The following ITPR1 variants were observed in gnomAD, a reference collection of about 807,000 sequenced individuals.
The protein encoded by ITPR1 is inositol 1,4,5-trisphosphate-gated calcium channel ITPR1.
ITPR1 carries 96 observed loss-of-function variants against 318.4 expected under a neutral mutation model. The observed-to-expected ratio is 0.30, with a 90% CI of 0.26 to 0.36. ITPR1 has a LOEUF of 0.36. ITPR1 is among the 10% of genes least tolerant of loss of function. The pLI, the probability that ITPR1 is intolerant of heterozygous loss-of-function variation, is 1.00. For synonymous variants in ITPR1, 1,312 were observed against 1,289.9 expected (o/e 1.02, Z -0.37); for missense variants, 2,440 against 3,460.2 (o/e 0.71, Z 7.40).
rs756534671 is a variant in ITPR1 at position 4,795,097 on chromosome 3, A to G, written c.6841A>G (p.Met2281Val). Residue 2281 changes from methionine (M) to valine (V), a missense_variant, in exon 53 of 62, where the codon ATG becomes GTG. This residue lies in a region of ITPR1 where 115 missense variants were observed against 204.5 expected (regional missense o/e 0.56). Coordinates refer to ENST00000649015, the MANE Select transcript of ITPR1 (RefSeq NM_001378452.1). ...QPVLYWCARN[M>V]SFWSSISFNL... ...CGTGTTGTACTGGTGTGCCCGCAAC[A>G]TGTCTTTCTGGAGCAGCATTTCGTT... The G allele has an allele frequency of 7.4e-6, 12 of 1,613,652 alleles. No individual in the cohort carries two copies. Among genetic ancestry groups the G allele is most frequent in the African/African-American group, 2.7e-5 (2 of 74,890 alleles).
intron 35 of ITPR1, among the ~76,000 whole-genome samples, chr3:4,700,487 C>G (rs1424049421): frequency 6.6e-6 from 1 of 152,086 alleles, no homozygotes; most frequent in Non-Finnish European, 1.5e-5. Flanking sequence ...TGGTTGAAGC[C>G]TTAGCCAGGA....
chr3:4,572,478 G>T (rs1011008077), intron 4 of ITPR1, among the ~76,000 whole-genome samples: 38 of 152,124 alleles, frequency 2.5e-4, no homozygotes, highest in African/African-American at 9.2e-4. Flanking sequence ...ATGTGACACT[G>T]ATTAAGTAAA....
intron 4 of ITPR1, among the ~76,000 whole-genome samples, chr3:4,561,238 G>A (rs140601601): frequency 3.0e-4 from 46 of 152,294 alleles, no homozygotes; most frequent in East Asian, 1.7e-3. Flanking sequence ...TGATAATGAC[G>A]AGAGTGAAAT....
intron 2 of ITPR1, among the ~76,000 whole-genome samples, chr3:4,508,373 G>A (rs1269987975): frequency 3.3e-5 from 5 of 151,354 alleles, no homozygotes; most frequent in South Asian, 4.2e-4. Context: ...TAACTTATTG[G>A]TTAATGAAGT....
intron 40 of ITPR1, among the ~76,000 whole-genome samples, chr3:4,718,044 C>A (rs2041899634): frequency 6.6e-6 from 1 of 152,176 alleles, no homozygotes; most frequent in African/African-American, 2.4e-5. Context: ...ACTTATATAT[C>A]AAGCTAGTTT....
intron 2 of ITPR1, among the ~76,000 whole-genome samples, chr3:4,510,261 A>C (rs375758666): frequency 1.3e-5 from 2 of 152,220 alleles, no homozygotes; most frequent in East Asian, 3.8e-4. Context: ...TATGGAGAGC[A>C]GGGCTCAAGG....
At chr3:4,537,527 G>C (rs1023829775) in intron 4 of ITPR1, among the ~76,000 whole-genome samples, 1 of 152,206 alleles carries the variant, frequency 6.6e-6, no homozygotes, top group Non-Finnish European at 1.5e-5. Context: ...ATGGTATAGG[G>C]ATTTCACAGA....
chr3:4,767,600 C>T (rs539423163), intron 45 of ITPR1, among the ~76,000 whole-genome samples: 22 of 152,354 alleles, frequency 1.4e-4, no homozygotes, highest in East Asian at 1.3e-3. Flanking sequence ...CTCACTGCAA[C>T]GTCCAACTCC....
intron 51 of ITPR1, 72 bp from the exon 52 acceptor site, chr3:4,787,875 C>A: frequency 2.8e-6 from 3 of 1,053,064 alleles, no homozygotes; most frequent in South Asian, 1.5e-5. Flanking sequence ...CCGAGTCTAC[C>A]ACCAGTAGCA....
chr3:4,621,155 C>A (rs957688382), intron 4 of ITPR1, among the ~76,000 whole-genome samples: 1 of 152,130 alleles, frequency 6.6e-6, no homozygotes, highest in Non-Finnish European at 1.5e-5. Flanking sequence ...TGTTGTCGCA[C>A]TGCTACAGAG....
rs879032970 is a variant in ITPR1, at chr3:4,831,131, T to TCTCTCACACACACA, written c.8029-5642_8029-5641insTCTCACACACACAC. The TCTCTCACACACACA allele has an allele frequency of 4.8e-4, 167 of 349,456 alleles. 1 individual carries two copies. Among genetic ancestry groups the TCTCTCACACACACA allele is most frequent in the African/African-American group, 2.8e-3 (111 of 39,080 alleles). The allele number at this position is 349,456 out of a possible 1,614,324, so 21.6% of individuals were successfully genotyped here. Reference sequence around the variant, plus strand: ...GTCTCTCTCTCTCTCTCTCTCTCTCTCACACACACACACACACACACACTC... The same window carrying TCTCTCACACACACA: ...GTCTCTCTCTCTCTCTCTCTCTCTCTCTCTCACACACACACACACACACACACACACACACACTC... On this transcript the variant is annotated intron_variant, in intron 60 of 61. Transcript: ENST00000649015.
At position 4,680,632 on chromosome 3, in the gene ITPR1, C is replaced by G. The variant is rs747163038; in HGVS notation, c.3047C>G (p.Ser1016Cys). The G allele has an allele frequency of 6.2e-7, 1 of 1,613,658 alleles. No homozygotes were observed. The highest frequency in any genetic ancestry group is 8.5e-7 in the Non-Finnish European group (1 of 1,179,648). ...IFKREFDESN[S>C]QTSETSSGNS... ...AAGCGAGAGTTTGATGAAAGCAATT[C>G]CCAGACTTCAGAAACATCCTCCGGA... The change falls in exon 25 of 62, where the codon TCC (serine) becomes TGC (cysteine). Residue 1016 changes from serine to cysteine, a missense_variant. Coordinates refer to ENST00000649015, the MANE Select transcript of ITPR1 (RefSeq NM_001378452.1).
intron 44 of ITPR1, chr3:4,750,550 G>A (rs1002524157): frequency 6.6e-6 from 1 of 152,112 alleles, no homozygotes; most frequent in Non-Finnish European, 1.5e-5. Flanking sequence ...AGCTCTCTGG[G>A]TTTGCTCACC....
chr3:4,693,968 C>G (rs183041793), intron 33 of ITPR1, among the ~76,000 whole-genome samples: 13 of 152,174 alleles, frequency 8.5e-5, no homozygotes, highest in Admixed American at 5.9e-4. Flanking sequence ...TCTTTAAGAA[C>G]AGTGAGGAAA....
In ITPR1 at chr3:4,697,386, G is replaced by GCATCATTT. The variant is rs1209598205; in HGVS notation, c.4407+116_4407+123dup. Reference sequence around the variant, plus strand: ...TTGTGCACACATGAAGAAAACAGCTGCATCATTTCTACTCTAATCCGTGGC... The same window carrying GCATCATTT: ...TTGTGCACACATGAAGAAAACAGCTGCATCATTTCATCATTTCTACTCTAATCCGTGGC... On this transcript the variant is annotated intron_variant, in intron 34 of 61. Coordinates refer to ENST00000649015, the MANE Select transcript of ITPR1 (RefSeq NM_001378452.1). 3.0e-5 allele frequency: 30 copies of GCATCATTT among 1,003,634 alleles called. No homozygotes were observed. The African/African-American group carries it at 3.1e-4, about 10-fold the overall frequency. 62.2% of individuals were successfully genotyped at this position (1,003,634 alleles called of 1,614,324 possible). A position where few individuals can be genotyped will look rare whatever the true frequency, so the allele number is the denominator to read the frequency against.
intron 4 of ITPR1, among the ~76,000 whole-genome samples, chr3:4,611,056 T>TCCCTCCCTCCCTCCCG: frequency 2.2e-5 from 1 of 45,296 alleles, no homozygotes; most frequent in Non-Finnish European, 4.4e-5. Flanking sequence ...CCTCCCTCCC[T>TCCCTCCCTCCCTCCCG]CCCTTCCTTC....
chr3:4,594,952 G>T (rs1477605878), intron 4 of ITPR1, among the ~76,000 whole-genome samples: 1 of 152,036 alleles, frequency 6.6e-6, no homozygotes, highest in African/African-American at 2.4e-5. Context: ...AGTGGTTAAG[G>T]GTATAGGTTC....
chr3:4,746,949 GT>G (rs2044153437), intron 44 of ITPR1, among the ~76,000 whole-genome samples: 1 of 152,208 alleles, frequency 6.6e-6, no homozygotes, highest in South Asian at 2.1e-4. Flanking sequence ...AGAGATAGAA[GT>G]TCTGACCCAG....
chr3:4,542,810 T>G (rs2084591634), intron 4 of ITPR1, among the ~76,000 whole-genome samples: 1 of 152,200 alleles, frequency 6.6e-6, no homozygotes, highest in South Asian at 2.1e-4. Context: ...TCTCCAGATA[T>G]TCTCAGAGTT....
Sources: gnomAD v4.1 joint callset for allele counts (sites outside exome capture counted in the v4.1 genomes callset) on GRCh38, gnomAD v4.1.1 for gene constraint, gnomAD v4.1.1 regional missense constraint, MANE v1.5 for transcripts, NCBI Gene and HGNC (gene_info 2026-07-23, HGNC 2026-07-21) for gene names.